Variants in EML6 observed in about 807,000 individuals in gnomAD.
EML6 encodes echinoderm microtubule-associated protein-like 6.
EML6 carries 154 observed loss-of-function variants against 240.1 expected under a neutral mutation model. That is an observed-to-expected ratio of 0.64 (90% CI 0.56 to 0.73). EML6 has a LOEUF of 0.73. EML6 is among the 30% of genes least tolerant of loss of function. EML6 has a pLI of 0.00. For missense variants in EML6, 2,964 were observed against 2,474.6 expected (o/e 1.20, Z -4.20); for synonymous variants, 1,148 against 899.0 (o/e 1.28, Z -4.95).
At chr2:54,955,831 C>A (rs11898145) in intron 32 of EML6, among the ~76,000 whole-genome samples, 89,153 of 152,166 alleles carry the variant, frequency 0.59, 29,257 homozygotes, top group Non-Finnish European at 0.74. Context: ...TCGCTAGCCA[C>A]CACCTCTTCC....
At chr2:54,763,052 A>G (rs909401827) in intron 2 of EML6, among the ~76,000 whole-genome samples, 5 of 152,280 alleles carry the variant, frequency 3.3e-5, no homozygotes, top group Non-Finnish European at 5.9e-5. Context: ...GGTTTCTCCC[A>G]TTTATTATTT....
In EML6 at chr2:54,968,840, G is replaced by T. The variant is rs960689382; in HGVS notation, c.5852+72G>T. Reference sequence around the variant, plus strand: ...TCTCCCTCCCCATCTCAGGCATCCCGTGGGTCAGCCTCTCCCAGGGGCATG... The same window carrying T: ...TCTCCCTCCCCATCTCAGGCATCCCTTGGGTCAGCCTCTCCCAGGGGCATG... On this transcript the variant is annotated intron_variant, in intron 41 of 41. Transcript: ENST00000356458. 2.0e-5 allele frequency: 16 copies of T among 819,086 alleles called. 1 individual carries two copies. In the Admixed American group the frequency reaches 2.3e-4, roughly 12 times the overall value. The allele number at this position is 819,086 out of a possible 1,614,324, so 50.7% of individuals were successfully genotyped here. A position where few individuals can be genotyped will look rare whatever the true frequency, so the allele number is the denominator to read the frequency against.
intron 7 of EML6, among the ~76,000 whole-genome samples, chr2:54,835,962 C>T (rs1040097535): frequency 6.6e-6 from 1 of 152,158 alleles, no homozygotes; most frequent in African/African-American, 2.4e-5. Flanking sequence ...GCAAAATAAG[C>T]ACATCCTATT....
intron 21 of EML6, among the ~76,000 whole-genome samples, chr2:54,899,109 T>A (rs1410038780): frequency 1.3e-5 from 2 of 152,236 alleles, no homozygotes; most frequent in Non-Finnish European, 2.9e-5. Context: ...TAGCTTCCTT[T>A]ACTTCTGCTC....
intron 34 of EML6, 112 bp from the exon 35 acceptor site, chr2:54,960,107 TG>T: frequency 1.3e-6 from 1 of 781,160 alleles, no homozygotes; most frequent in Non-Finnish European, 2.1e-6. Flanking sequence ...TCTTTCCTTC[TG>T]GGCCCCAACT....
intron 2 of EML6, among the ~76,000 whole-genome samples, chr2:54,733,152 C>A (rs1429838059): frequency 6.6e-6 from 1 of 152,226 alleles, no homozygotes; most frequent in African/African-American, 2.4e-5. Context: ...AGGGGAGCAG[C>A]AGGCCAGCCT....
intron 2 of EML6, among the ~76,000 whole-genome samples, chr2:54,786,558 C>T (rs1669102394): frequency 6.6e-6 from 1 of 152,134 alleles, no homozygotes. Flanking sequence ...CTCCTGTACC[C>T]TTTCAGGGGA....
chr2:54,832,126 C>T (rs996975817), intron 7 of EML6, among the ~76,000 whole-genome samples: 3 of 152,084 alleles, frequency 2.0e-5, no homozygotes, highest in Admixed American at 6.6e-5. Context: ...TCATTCCAGT[C>T]CTCAGTGAAA....
intron 23 of EML6, 44 bp from the exon 24 acceptor site, chr2:54,903,327 C>T (rs1309336519): frequency 7.1e-6 from 11 of 1,539,274 alleles, no homozygotes; most frequent in Non-Finnish European, 7.9e-6. Context: ...AAGTAAATTC[C>T]TATATAAAAT....
At chr2:54,849,226 T>C (rs1438281358) in intron 9 of EML6, among the ~76,000 whole-genome samples, 4 of 152,242 alleles carry the variant, frequency 2.6e-5, no homozygotes, top group Non-Finnish European at 5.9e-5. Context: ...CAAATCAGTG[T>C]AATTGGGCTA....
chr2:54,801,935 C>T (rs1026093528), intron 2 of EML6, among the ~76,000 whole-genome samples: 1 of 152,142 alleles, frequency 6.6e-6, no homozygotes, highest in Non-Finnish European at 1.5e-5. Context: ...CATGATCTTT[C>T]TTGTCTGGAG....
chr2:54,829,484 T>C lies in EML6; in HGVS notation c.847+7T>C, dbSNP rs771913235. ...ACAGAACAAGGATACAAAGGTAATA[T>C]ATGTGTTAAGCTTACCTGTAACTCT... On this transcript the variant is annotated splice_region_variant and intron_variant, in intron 7 of 41. Coordinates refer to ENST00000356458, the MANE Select transcript of EML6 (RefSeq NM_001039753.4). 7.7e-6 allele frequency: 12 copies of C among 1,549,296 alleles called. No individual in the cohort carries two copies. Among genetic ancestry groups the C allele is most frequent in the East Asian group, 2.4e-5 (1 of 40,898 alleles).
At chr2:54,800,905 G>A (rs1164458898) in intron 2 of EML6, among the ~76,000 whole-genome samples, 1 of 152,128 alleles carries the variant, frequency 6.6e-6, no homozygotes, top group Non-Finnish European at 1.5e-5. Context: ...TCTGGAACAG[G>A]AGCTGGTAAA....
Position 54,911,326 on chromosome 2 carries a change from C to T in EML6, c.3498+284C>T, listed in dbSNP as rs117563970. Among the ~76,000 whole-genome samples the T allele has an allele frequency of 5.4e-4, 82 of 152,236 alleles. 1 individual carries two copies. The East Asian group carries it at 0.015, about 29-fold the overall frequency. ...TTTGGATGTTATATATTCCTTTTTC[C>T]ATTTGACATGTCATTTTGTGCAAAG... On this transcript the variant is annotated intron_variant, in intron 25 of 41. Transcript: ENST00000356458.
At chr2:54,756,514 A>G (rs1667738466) in intron 2 of EML6, among the ~76,000 whole-genome samples, 1 of 152,182 alleles carries the variant, frequency 6.6e-6, no homozygotes, top group Non-Finnish European at 1.5e-5. Context: ...ATTGTCATAC[A>G]CAGCAGTTTC....
At chr2:54,923,385 A>G (rs1056579312) in intron 26 of EML6, among the ~76,000 whole-genome samples, 3 of 151,608 alleles carry the variant, frequency 2.0e-5, no homozygotes, top group Middle Eastern at 3.2e-3. Context: ...ACACACACAC[A>G]CACACACACA....
intron 22 of EML6, among the ~76,000 whole-genome samples, chr2:54,900,775 G>C (rs1573104277): frequency 6.6e-6 from 1 of 152,324 alleles, no homozygotes; most frequent in East Asian, 1.9e-4. Flanking sequence ...ACCAGCTTCA[G>C]GCACAGAGCA....
intron 2 of EML6, among the ~76,000 whole-genome samples, chr2:54,796,045 A>C (rs1165721264): frequency 6.6e-6 from 1 of 152,178 alleles, no homozygotes; most frequent in Non-Finnish European, 1.5e-5. Context: ...AAAATTACAC[A>C]AATAAGTCTT....
chr2:54,815,499 T>C (rs1179755016), intron 3 of EML6, among the ~76,000 whole-genome samples: 1 of 152,230 alleles, frequency 6.6e-6, no homozygotes, highest in Non-Finnish European at 1.5e-5. Flanking sequence ...CAGCTTTTTC[T>C]CCATCAGGAA....
Sources: gnomAD v4.1 joint callset for allele counts (sites outside exome capture counted in the v4.1 genomes callset) on GRCh38, gnomAD v4.1.1 for gene constraint, MANE v1.5 for transcripts, NCBI Gene and HGNC (gene_info 2026-07-23, HGNC 2026-07-21) for gene names.